CNBD1: variants seen among roughly 807,000 people sequenced by gnomAD.
The protein encoded by CNBD1 is cyclic nucleotide binding domain containing 1.
A neutral mutation model predicts 54.4 loss-of-function variants in CNBD1; 71 were observed. The ratio of observed to expected loss-of-function variants is 1.30; its 90% confidence interval spans 1.08 to 1.59. CNBD1 has a LOEUF of 1.59. Ranked by LOEUF, CNBD1 falls within the 40% of genes most tolerant of loss-of-function variation. The probability of loss-of-function intolerance (pLI) is 0.00; values close to 1 mark genes in which losing one functional copy is unlikely to be tolerated. For synonymous variants in CNBD1, 182 were observed against 170.7 expected, an observed-to-expected ratio of 1.07 and a Z score of -0.51; for missense variants, 659 against 518.0, an observed-to-expected ratio of 1.27 and a Z score of -2.64.
intron 4 of CNBD1, among the ~76,000 whole-genome samples, chr8:87,086,453 T>C (rs1356181058): frequency 3.3e-5 from 5 of 152,210 alleles, no homozygotes; most frequent in Admixed American, 3.3e-4. Flanking sequence ...GCTTTTTACT[T>C]GCTAAGCCAA....
At chr8:87,052,760 TAGA>T (rs1385876008) in intron 4 of CNBD1, among the ~76,000 whole-genome samples, 5 of 152,218 alleles carry the variant, frequency 3.3e-5, no homozygotes, top group Non-Finnish European at 5.9e-5. Context: ...GGGTTTGGAT[TAGA>T]AGAACATAAC....
At chr8:87,143,304 C>T (rs116130835) in intron 4 of CNBD1, among the ~76,000 whole-genome samples, 19 of 152,238 alleles carry the variant, frequency 1.2e-4, no homozygotes, top group African/African-American at 4.6e-4. Flanking sequence ...TAAGTTTGGG[C>T]TAACTAACCC....
intron 10 of CNBD1, among the ~76,000 whole-genome samples, chr8:87,378,421 C>T (rs1651245630): frequency 6.6e-6 from 1 of 150,742 alleles, no homozygotes; most frequent in South Asian, 2.1e-4. Flanking sequence ...ATCCTTTCCC[C>T]ATTTCTTGTT....
chr8:86,988,601 G>A (rs897915744), intron 4 of CNBD1, among the ~76,000 whole-genome samples: 2 of 152,038 alleles, frequency 1.3e-5, no homozygotes, highest in African/African-American at 4.8e-5. Flanking sequence ...TGGCCACCCT[G>A]TTGTGCTATG....
intron 2 of CNBD1, among the ~76,000 whole-genome samples, chr8:87,389,292 G>T (rs936071795): frequency 1.3e-5 from 2 of 152,160 alleles, no homozygotes; most frequent in Non-Finnish European, 2.9e-5. Context: ...ATTCAATTAG[G>T]AAAAGAGGAA....
chr8:87,342,561 A>T (rs1476273171), intron 8 of CNBD1, among the ~76,000 whole-genome samples: 1 of 152,132 alleles, frequency 6.6e-6, no homozygotes, highest in African/African-American at 2.4e-5. Flanking sequence ...ATTTCAACAT[A>T]GTTTCTTTCT....
chr8:87,299,315 G>A (rs1277009522), intron 8 of CNBD1, among the ~76,000 whole-genome samples: 5 of 151,906 alleles, frequency 3.3e-5, no homozygotes, highest in South Asian at 2.1e-4. Flanking sequence ...CTCTAGTCCC[G>A]ACGGTCTTGT....
At chr8:87,339,604 C>A (rs1810024110) in intron 8 of CNBD1, among the ~76,000 whole-genome samples, 1 of 152,166 alleles carries the variant, frequency 6.6e-6, no homozygotes, top group East Asian at 1.9e-4. Context: ...GATCAGGAAC[C>A]ATAAATCTCA....
At chr8:87,160,939 C>T (rs1812845347) in intron 4 of CNBD1, among the ~76,000 whole-genome samples, 1 of 152,020 alleles carries the variant, frequency 6.6e-6, no homozygotes, top group Admixed American at 6.6e-5. Flanking sequence ...ACAAACATCT[C>T]GTGTTAAGGA....
intron 5 of CNBD1, among the ~76,000 whole-genome samples, chr8:87,226,192 C>G (rs889790396): frequency 6.6e-6 from 1 of 151,852 alleles, no homozygotes; most frequent in African/African-American, 2.4e-5. Context: ...AAAAAACCAG[C>G]TCCTGGATTC....
intron 4 of CNBD1, among the ~76,000 whole-genome samples, chr8:87,129,069 C>CAAAAAAAAAAAAAAA (rs570657716): frequency 0.11 from 2,938 of 26,128 alleles, 857 homozygotes; most frequent in Non-Finnish European, 0.15. Flanking sequence ...GACTCTGCCT[C>CAAAAAAAAAAAAAAA]AAAAAAAAAA....
chr8:87,342,490 A>G (rs1415140651), intron 8 of CNBD1, among the ~76,000 whole-genome samples: 1 of 152,200 alleles, frequency 6.6e-6, no homozygotes. Context: ...TCTAATTATG[A>G]AAATAATGTA....
At chr8:86,955,364 G>A (rs1176697630) in intron 4 of CNBD1, among the ~76,000 whole-genome samples, 6 of 152,060 alleles carry the variant, frequency 3.9e-5, no homozygotes, top group Non-Finnish European at 8.8e-5. Context: ...GGGATGCCTG[G>A]GTCAAATGGT....
chr8:87,276,764 G>A (rs1265182447), intron 6 of CNBD1, among the ~76,000 whole-genome samples: 1 of 151,742 alleles, frequency 6.6e-6, no homozygotes, highest in African/African-American at 2.4e-5. Flanking sequence ...ACATTATTTC[G>A]AGCCAGACAT....
chr8:87,334,719 C>CTTTTTTTTTTTT lies in CNBD1; in HGVS notation c.1043-16962_1043-16961insTTTTTTTTTTTT, dbSNP rs758083191. Among the ~76,000 whole-genome samples, 20 of 126,156 alleles carry CTTTTTTTTTTTT rather than the reference C, an allele frequency of 1.6e-4. 4 individuals carry two copies. The highest frequency in any genetic ancestry group is 2.2e-4 in the Non-Finnish European group (13 of 58,634). The allele number at this position is 126,156 out of a possible 152,430, so 82.8% of individuals were successfully genotyped here. A position where few individuals can be genotyped will look rare whatever the true frequency, so the allele number is the denominator to read the frequency against. On this transcript the variant is annotated intron_variant, in intron 8 of 10. Coordinates refer to ENST00000518476, the MANE Select transcript of CNBD1 (RefSeq NM_173538.3). ...TCTTTTTTCTTTTCTTTTCTTTTTT[C>CTTTTTTTTTTTT]TTTTCTTTTTTTTTTTTTAAGATGG... is the stretch of plus-strand genomic sequence containing the variant.
chr8:87,324,427 T>C (rs1478393771), intron 8 of CNBD1, among the ~76,000 whole-genome samples: 2 of 139,656 alleles, frequency 1.4e-5, no homozygotes, highest in African/African-American at 5.3e-5. Flanking sequence ...TGAATCCATC[T>C]GGTCCTGGGC....
intron 4 of CNBD1, among the ~76,000 whole-genome samples, chr8:87,007,931 A>G (rs1238590265): frequency 1.3e-5 from 2 of 152,190 alleles, no homozygotes; most frequent in East Asian, 1.9e-4. Flanking sequence ...TAATTCATGT[A>G]TGGGTAATTA....
Position 86,866,502 on chromosome 8 carries a change from A to T in CNBD1, c.7A>T (p.Met3Leu). Residue 3 changes from methionine (M) to leucine (L), a missense_variant, in exon 1 of 11, where the codon ATG becomes TTG. Met to Leu is a conservative substitution (Grantham distance 15, BLOSUM62 2). Coordinates refer to ENST00000518476, the MANE Select transcript of CNBD1 (RefSeq NM_173538.3). MP[M>L]SSLPAAILSH... ...CTGCCTTTGAGCCATCAAGATGCCGATGTCTTCTCTTCCAGCAGCTATTTT... is the reference window on the plus strand; with the variant it reads ...CTGCCTTTGAGCCATCAAGATGCCGTTGTCTTCTCTTCCAGCAGCTATTTT... 1 of 1,610,640 alleles carries T rather than the reference A, an allele frequency of 6.2e-7. No individual in the cohort carries two copies. The highest frequency in any genetic ancestry group is 8.5e-7 in the Non-Finnish European group (1 of 1,178,506).
At chr8:87,237,268 C>T (rs1807603549) in intron 6 of CNBD1, 156 bp downstream of exon 6, 4 of 441,092 alleles carry the variant, frequency 9.1e-6, no homozygotes, top group Non-Finnish European at 1.6e-5. Flanking sequence ...TTAATACTTA[C>T]ATTTGATTAA....
Sources: gnomAD v4.1 joint callset for allele counts (sites outside exome capture counted in the v4.1 genomes callset) on GRCh38, gnomAD v4.1.1 for gene constraint, MANE v1.5 for transcripts, NCBI Gene and HGNC (gene_info 2026-07-23, HGNC 2026-07-21) for gene names.